Variants in PDSS2 observed in about 807,000 individuals in gnomAD.
The protein encoded by PDSS2 is decaprenyl diphosphate synthase subunit 2, also known as all trans-polyprenyl-diphosphate synthase PDSS2.
PDSS2 carries 31 observed loss-of-function variants against 44.5 expected under a neutral mutation model. That is an observed-to-expected ratio of 0.70 (90% CI 0.52 to 0.94). The LOEUF (loss-of-function observed/expected upper bound fraction) is 0.94. Ranked by LOEUF, PDSS2 falls within the 40% of genes least tolerant of loss-of-function variation. The pLI is 0.00. For synonymous variants in PDSS2, 157 were observed against 180.3 expected (o/e 0.87, Z 1.03); for missense variants, 452 against 482.2 (o/e 0.94, Z 0.59).
chr6:107,304,393 G>A (rs866504483), intron 2 of PDSS2, among the ~76,000 whole-genome samples: 6 of 152,186 alleles, frequency 3.9e-5, no homozygotes, highest in Non-Finnish European at 8.8e-5. Context: ...TCTTATATAC[G>A]TAACGCTTTT....
At chr6:107,406,768 G>C (rs1780333051) in intron 1 of PDSS2, among the ~76,000 whole-genome samples, 2 of 152,224 alleles carry the variant, frequency 1.3e-5, no homozygotes, top group Admixed American at 6.5e-5. Flanking sequence ...AGAACCATAA[G>C]TGAGATAGAA....
At chr6:107,156,895 A>G (rs1450500176) in intron 7 of PDSS2, among the ~76,000 whole-genome samples, 2 of 152,058 alleles carry the variant, frequency 1.3e-5, no homozygotes, top group African/African-American at 4.8e-5. Flanking sequence ...TCTCAAGTTT[A>G]TCCTCTACTC....
At chr6:107,454,669 A>C (rs750704294) in intron 1 of PDSS2, among the ~76,000 whole-genome samples, 4 of 152,028 alleles carry the variant, frequency 2.6e-5, no homozygotes, top group Admixed American at 1.3e-4. Context: ...TTGCTAACAA[A>C]GTCACCATTC....
chr6:107,188,971 C>T (rs1460848925), intron 7 of PDSS2, among the ~76,000 whole-genome samples: 1 of 152,170 alleles, frequency 6.6e-6, no homozygotes, highest in Non-Finnish European at 1.5e-5. Context: ...TGTACAGTGG[C>T]GTGATCACAA....
chr6:107,158,190 T>C (rs1226577677), intron 7 of PDSS2, among the ~76,000 whole-genome samples: 28 of 150,150 alleles, frequency 1.9e-4, no homozygotes, highest in African/African-American at 5.9e-4. Context: ...TTCTTTCTTT[T>C]TTTTTTTTTT....
At chr6:107,277,970 GAATA>G (rs1011873692) in intron 2 of PDSS2, among the ~76,000 whole-genome samples, 13 of 150,212 alleles carry the variant, frequency 8.7e-5, no homozygotes, top group Admixed American at 6.0e-4. Flanking sequence ...AAAAATAAAT[GAATA>G]AATAAAATAA....
chr6:107,424,699 A>T (rs760760918), intron 1 of PDSS2, among the ~76,000 whole-genome samples: 1 of 152,362 alleles, frequency 6.6e-6, no homozygotes, highest in East Asian at 1.9e-4. Context: ...TGAATTGTAT[A>T]CCTTTGGTAT....
intron 2 of PDSS2, among the ~76,000 whole-genome samples, chr6:107,296,523 T>G (rs919338003): frequency 1.3e-5 from 2 of 152,228 alleles, no homozygotes; most frequent in South Asian, 4.2e-4. Flanking sequence ...GTCAGGAGTT[T>G]GAGACCAGCC....
rs567691818 is a variant in PDSS2 at position 107,341,514 on chromosome 6, C to A, written c.297-7182G>T. 3.3e-5 allele frequency among the ~76,000 whole-genome samples: 5 copies of A among 152,046 alleles called. No individual in the cohort carries two copies. In the East Asian group the frequency reaches 5.8e-4, roughly 18 times the overall value. On this transcript the variant is annotated intron_variant, in intron 1 of 7. Coordinates refer to ENST00000369037, the MANE Select transcript of PDSS2 (RefSeq NM_020381.4). ...GAAGCGATGGCTGAAGCTGTAGGAA[C>A]TGACAGATGAGCTTTTAGGTGAGAG...
chr6:107,230,310 T>TG (rs1218246599), intron 4 of PDSS2, among the ~76,000 whole-genome samples: 1 of 151,974 alleles, frequency 6.6e-6, no homozygotes, highest in Non-Finnish European at 1.5e-5. Context: ...CTCTCCAGCC[T>TG]GGGGAGGATT....
In PDSS2 at chr6:107,168,733, T is replaced by C. The variant is rs1300988472; in HGVS notation, c.1042-13956A>G. Among the ~76,000 whole-genome samples, 3 of 151,798 alleles carry C rather than the reference T, an allele frequency of 2.0e-5. 1 individual carries two copies. In the East Asian group the frequency reaches 5.8e-4, roughly 29 times the overall value. Reference sequence around the variant, plus strand: ...AAGGATTTTATTTCTCCTTCACTTATGAAGCTTAGTTTGGCTGGATATGAA... The same window carrying C: ...AAGGATTTTATTTCTCCTTCACTTACGAAGCTTAGTTTGGCTGGATATGAA... On this transcript the variant is annotated intron_variant, in intron 7 of 7. Coordinates refer to ENST00000369037, the MANE Select transcript of PDSS2 (RefSeq NM_020381.4).
At chr6:107,272,404 C>G (rs1378939729) in intron 3 of PDSS2, among the ~76,000 whole-genome samples, 1 of 152,012 alleles carries the variant, frequency 6.6e-6, no homozygotes, top group Non-Finnish European at 1.5e-5. Context: ...TGTCCTTCCT[C>G]GTTCTATTGA....
intron 2 of PDSS2, among the ~76,000 whole-genome samples, chr6:107,301,838 G>A (rs1437247696): frequency 2.9e-4 from 42 of 143,684 alleles, no homozygotes. Context: ...CTGGGCTGAA[G>A]CACTGAACTC....
rs1373062324 is a variant in PDSS2, at chr6:107,161,890, C to T, written c.1042-7113G>A. On this transcript the variant is annotated intron_variant, in intron 7 of 7. Transcript: ENST00000369037. ...ATATGTGTGTCTGTGTGTGTGTTTT[C>T]TGATCCATTTGAAAGTAAACCGCCG... Among the ~76,000 whole-genome samples the T allele has an allele frequency of 4.6e-5, 7 of 152,176 alleles. No individual in the cohort carries two copies. In the East Asian group the frequency reaches 1.4e-3, roughly 29 times the overall value.
At chr6:107,312,600 T>C (rs1292944123) in intron 2 of PDSS2, among the ~76,000 whole-genome samples, 4 of 152,152 alleles carry the variant, frequency 2.6e-5, no homozygotes, top group African/African-American at 7.2e-5. Flanking sequence ...AGCTGACACA[T>C]GTAAGAAAAC....
chr6:107,344,987 C>T (rs1403635872), intron 1 of PDSS2, among the ~76,000 whole-genome samples: 2 of 152,056 alleles, frequency 1.3e-5, no homozygotes, highest in African/African-American at 4.8e-5. Context: ...ATAATTTTTA[C>T]ATCTAAGCCC....
chr6:107,454,326 G>C (rs11969141), intron 1 of PDSS2, among the ~76,000 whole-genome samples: 4,567 of 152,158 alleles, frequency 0.03, 100 homozygotes, highest in Non-Finnish European at 0.044. Context: ...GGGATTGCAG[G>C]TGTGAACCAC....
intron 1 of PDSS2, among the ~76,000 whole-genome samples, chr6:107,441,419 T>C (rs1781507097): frequency 6.6e-6 from 1 of 152,182 alleles, no homozygotes; most frequent in African/African-American, 2.4e-5. Context: ...GTCTCTGCCA[T>C]AGCGTGTCCA....
chr6:107,382,269 G>A (rs1238573367), intron 1 of PDSS2, among the ~76,000 whole-genome samples: 3 of 150,940 alleles, frequency 2.0e-5, no homozygotes, highest in Non-Finnish European at 4.4e-5. Flanking sequence ...CCTTTTTTTT[G>A]GCCGTGAACC....
Sources: gnomAD v4.1 joint callset for allele counts (sites outside exome capture counted in the v4.1 genomes callset) on GRCh38, gnomAD v4.1.1 for gene constraint, MANE v1.5 for transcripts, NCBI Gene and HGNC (gene_info 2026-07-23, HGNC 2026-07-21) for gene names.